The following LIMS1 variants were observed in gnomAD, a reference collection of about 807,000 sequenced individuals.
LIMS1 encodes the protein LIM and senescent cell antigen-like-containing domain protein 1.
In LIMS1, 18 loss-of-function variants were observed where a neutral mutation model predicts 44.1. The ratio of observed to expected loss-of-function variants is 0.41; its 90% confidence interval spans 0.28 to 0.61. The LOEUF (loss-of-function observed/expected upper bound fraction) is 0.61. LIMS1 is among the 20% of genes least tolerant of loss of function. The pLI is 0.32. For missense variants in LIMS1, 201 were observed against 422.0 expected, an observed-to-expected ratio of 0.48 and a Z score of 4.59; for synonymous variants, 93 against 149.1, an observed-to-expected ratio of 0.62 and a Z score of 2.74.
intron 1 of LIMS1, among the ~76,000 whole-genome samples, chr2:108,616,539 G>C (rs1687942728): frequency 6.6e-6 from 1 of 152,152 alleles, no homozygotes; most frequent in Non-Finnish European, 1.5e-5. Context: ...AGCTCAGCCT[G>C]TCCAGTCAGA....
In LIMS1 at chr2:108,600,891, T is replaced by TTCTTTTCTTCTCTTCTCTTCTCTTC. The variant is rs367582147; in HGVS notation, c.33-58710_33-58709insTTCTTCTCTTCTCTTCTCTTCTCTT. 1.3e-3 allele frequency among the ~76,000 whole-genome samples: 120 copies of TTCTTTTCTTCTCTTCTCTTCTCTTC among 90,944 alleles called. 1 individual carries two copies. The highest frequency in any genetic ancestry group is 3.8e-3 in the African/African-American group (104 of 27,258). 59.7% of individuals were successfully genotyped at this position (90,944 alleles called of 152,430 possible). A position where few individuals can be genotyped will look rare whatever the true frequency, so the allele number is the denominator to read the frequency against. On this transcript the variant is annotated intron_variant, in intron 1 of 9. Coordinates refer to ENST00000544547, the Ensembl canonical transcript of LIMS1. ...TCCACATAAATTTTAGAATTGTTCG[T>TTCTTTTCTTCTCTTCTCTTCTCTTC]TCTTCTCTTCTCTTCTCTTCTCTTC... is the stretch of plus-strand genomic sequence containing the variant.
intron 1 of LIMS1, among the ~76,000 whole-genome samples, chr2:108,615,076 A>G (rs1022315029): frequency 1.4e-5 from 2 of 145,524 alleles, no homozygotes; most frequent in Admixed American, 7.2e-5. Flanking sequence ...GCTAGAATCT[A>G]TAGCGTATAG....
chr2:108,639,116 A>T (rs888018798), intron 1 of LIMS1, among the ~76,000 whole-genome samples: 1 of 152,178 alleles, frequency 6.6e-6, no homozygotes. Context: ...GCGATACAGA[A>T]CACAACATTA....
chr2:108,590,604 C>T (rs192407664), intron 1 of LIMS1, among the ~76,000 whole-genome samples: 15 of 152,314 alleles, frequency 9.8e-5, no homozygotes, highest in Admixed American at 4.6e-4. Flanking sequence ...TTCTAAGAGA[C>T]GGCACCATGG....
intron 1 of LIMS1, among the ~76,000 whole-genome samples, chr2:108,620,989 GAGC>G (rs1244120847): frequency 3.9e-5 from 6 of 152,288 alleles, no homozygotes; most frequent in African/African-American, 1.2e-4. Context: ...TACCTTACTG[GAGC>G]TTTTTAGCCC....
chr2:108,562,800 A>G (rs1248220607), intron 1 of LIMS1, among the ~76,000 whole-genome samples: 1 of 152,260 alleles, frequency 6.6e-6, no homozygotes, highest in African/African-American at 2.4e-5. Context: ...TGTAGACAAA[A>G]TAGCCTTCTG....
At chr2:108,675,774 T>C (rs1692502788) in intron 5 of LIMS1, 104 bp from the exon 6 acceptor site, 5 of 1,408,246 alleles carry the variant, frequency 3.6e-6, no homozygotes, top group Non-Finnish European at 2.0e-6. Context: ...TTTGCAGGGA[T>C]TGTCATAGTA....
At chr2:108,576,688 C>T (rs754455901) in intron 1 of LIMS1, among the ~76,000 whole-genome samples, 9 of 152,122 alleles carry the variant, frequency 5.9e-5, no homozygotes, top group Non-Finnish European at 1.2e-4. Context: ...TGTGAGCCAC[C>T]GTGCCTGGCC....
At chr2:108,679,853 G>C (rs1203811510) in intron 8 of LIMS1, among the ~76,000 whole-genome samples, 1 of 151,818 alleles carries the variant, frequency 6.6e-6, no homozygotes, top group Non-Finnish European at 1.5e-5. Context: ...AGTTCGAGCT[G>C]TGATCGCACC....
intron 1 of LIMS1, among the ~76,000 whole-genome samples, chr2:108,579,349 G>C (rs1022186235): frequency 6.6e-6 from 1 of 152,152 alleles, no homozygotes; most frequent in Non-Finnish European, 1.5e-5. Flanking sequence ...TGTACTCAGT[G>C]TACCTTCTAC....
intron 1 of LIMS1, chr2:108,621,124 C>G (rs1380985040): frequency 3.6e-6 from 2 of 554,530 alleles, no homozygotes; most frequent in East Asian, 6.5e-5. Flanking sequence ...ACCGCTTCCC[C>G]CCTCCCCAAG....
intron 1 of LIMS1, among the ~76,000 whole-genome samples, chr2:108,614,483 A>G (rs1219538801): frequency 3.3e-5 from 5 of 152,138 alleles, no homozygotes; most frequent in African/African-American, 1.2e-4. Flanking sequence ...ATGAACACAC[A>G]TTTTTATGCC....
chr2:108,551,771 T>G (rs900174555), intron 1 of LIMS1, among the ~76,000 whole-genome samples: 21 of 146,352 alleles, frequency 1.4e-4, no homozygotes, highest in African/African-American at 5.2e-4. Flanking sequence ...GTATATTGTA[T>G]ATCATATACA....
chr2:108,623,421 T>A (rs1168715343), intron 1 of LIMS1, among the ~76,000 whole-genome samples: 1 of 152,088 alleles, frequency 6.6e-6, no homozygotes, highest in African/African-American at 2.4e-5. Flanking sequence ...TTTAAAAAAA[T>A]AAGGATAAAA....
chr2:108,572,991 C>T (rs1273476921), intron 1 of LIMS1, among the ~76,000 whole-genome samples: 1 of 152,066 alleles, frequency 6.6e-6, no homozygotes, highest in African/African-American at 2.4e-5. Flanking sequence ...GTATGCTTGT[C>T]GGTGCTTCCC....
upstream of LIMS1, chr2:108,533,723 T>A (rs756871423): frequency 6.6e-6 from 1 of 152,510 alleles, no homozygotes; most frequent in Non-Finnish European, 1.5e-5. Context: ...AAATTTCAGG[T>A]TTTGATAGAC....
At chr2:108,573,802 A>G (rs1213142056) in intron 1 of LIMS1, among the ~76,000 whole-genome samples, 2 of 152,172 alleles carry the variant, frequency 1.3e-5, no homozygotes, top group African/African-American at 4.8e-5. Flanking sequence ...GGCAACGATT[A>G]CACATTGAAG....
At chr2:108,683,051 T>G (rs1180171717) in intron 9 of LIMS1, among the ~76,000 whole-genome samples, 1 of 152,234 alleles carries the variant, frequency 6.6e-6, no homozygotes, top group Non-Finnish European at 1.5e-5. Flanking sequence ...TGTGTGTTGC[T>G]CTAGCTTTTC....
chr2:108,638,291 C>T (rs182611549), intron 1 of LIMS1, among the ~76,000 whole-genome samples: 11 of 152,368 alleles, frequency 7.2e-5, no homozygotes, highest in African/African-American at 9.6e-5. Flanking sequence ...CCAAAGGCAA[C>T]GAGCTAGACT....
Sources: gnomAD v4.1 joint callset for allele counts (sites outside exome capture counted in the v4.1 genomes callset) on GRCh38, gnomAD v4.1.1 for gene constraint, MANE v1.5 for transcripts, NCBI Gene and HGNC (gene_info 2026-07-23, HGNC 2026-07-21) for gene names.